CDKL5: variants seen among roughly 807,000 people sequenced by gnomAD.
CDKL5 encodes the protein cyclin dependent kinase like 5, also known as cyclin-dependent kinase-like 5.
In CDKL5, 8 loss-of-function variants were observed where a neutral mutation model predicts 61.7. That is an observed-to-expected ratio of 0.13 (90% CI 0.08 to 0.23). The LOEUF is 0.23. CDKL5 is among the 10% of genes least tolerant of loss of function. CDKL5 has a pLI of 1.00. For missense variants in CDKL5, 440 were observed against 734.5 expected (o/e 0.60, Z 4.63); for synonymous variants, 275 against 272.3 (o/e 1.01, Z -0.10).
intron 17 of CDKL5, among the ~76,000 whole-genome samples, chrX:18,625,686 G>C (rs768139950): frequency 7.1e-5 from 8 of 112,062 alleles, no homozygotes; most frequent in African/African-American, 2.6e-4. Flanking sequence ...TTTCTTGAAA[G>C]AATATTTCAA....
chrX:18,495,024 G>T (rs186571615), intron 1 of CDKL5, among the ~76,000 whole-genome samples: 1 of 112,122 alleles, frequency 8.9e-6, no homozygotes, highest in South Asian at 3.7e-4. Context: ...TCACAAGGCC[G>T]TGCCTTCCAT....
At chrX:18,462,009 C>T (rs1470570107) in intron 1 of CDKL5, among the ~76,000 whole-genome samples, 2 of 110,912 alleles carry the variant, frequency 1.8e-5, no homozygotes, top group Non-Finnish European at 3.8e-5. Context: ...CTGCATGTGG[C>T]CCAGGATGGC....
At chrX:18,491,999 T>C (rs1238150183) in intron 1 of CDKL5, among the ~76,000 whole-genome samples, 1 of 111,193 alleles carries the variant, frequency 9.0e-6, no homozygotes, top group Non-Finnish European at 1.9e-5. Flanking sequence ...TGTGTATGTG[T>C]TTCTGGGGAT....
chrX:18,610,293 A>AATGT (rs1250551156), intron 14 of CDKL5, among the ~76,000 whole-genome samples: 1 of 112,197 alleles, frequency 8.9e-6, no homozygotes, highest in East Asian at 2.8e-4. Flanking sequence ...TCTGGCCTGT[A>AATGT]ATGTACTCTT....
rs181443572 is a variant in CDKL5, at chrX:18,521,581, C to G, written c.99+10727C>G. Among the ~76,000 whole-genome samples, 483 of 111,728 alleles carry G rather than the reference C, an allele frequency of 4.3e-3. 2 individuals are homozygous for G. The highest frequency in any genetic ancestry group is 0.042 in the Middle Eastern group (9 of 216). ...AAATTTTATTTTTATATATTTAAGG[C>G]GTACAAGTACAGTTTTGTTACATGG... On this transcript the variant is annotated intron_variant, in intron 3 of 17. Coordinates refer to ENST00000623535, the MANE Select transcript of CDKL5 (RefSeq NM_001323289.2).
chrX:18,436,296 G>A (rs1272189627), intron 1 of CDKL5, among the ~76,000 whole-genome samples: 2 of 110,357 alleles, frequency 1.8e-5, no homozygotes, highest in Non-Finnish European at 3.8e-5. Context: ...TAGAGAAGGT[G>A]GAAGGGGAGG....
intron 1 of CDKL5, among the ~76,000 whole-genome samples, chrX:18,432,370 T>G (rs949331220): frequency 3.7e-5 from 4 of 109,524 alleles, no homozygotes; most frequent in African/African-American, 1.0e-4. Flanking sequence ...AGTACTAGGA[T>G]TATAGGCATG....
rs371902632 is a variant in CDKL5 at position 18,625,196 on chromosome X, C to T, written c.2445C>T (p.Ser815=). Residue 815 remains serine, a synonymous_variant, in exon 17 of 18, where the codon AGC becomes AGT. Transcript: ENST00000623535. ...CCATTCATTCTGCTAGCACTCCAAGCAGCAGACCAAAGGAGTGGCGCCCCG... is the reference window on the plus strand; with the variant it reads ...CCATTCATTCTGCTAGCACTCCAAGTAGCAGACCAAAGGAGTGGCGCCCCG... ...QKSIHSASTP[S]SRPKEWRPEK... 4.2e-5 allele frequency: 51 copies of T among 1,204,226 alleles called. No individual in the cohort carries two copies. The African/African-American group carries it at 8.3e-4, about 20-fold the overall frequency.
At chrX:18,518,513 T>G (rs1923131016) in intron 3 of CDKL5, among the ~76,000 whole-genome samples, 1 of 99,399 alleles carries the variant, frequency 1.0e-5, no homozygotes, top group African/African-American at 3.7e-5. Flanking sequence ...CAAGTGATTC[T>G]CCTGCCTCAG....
At chrX:18,466,962 G>A (rs999937366) in intron 1 of CDKL5, among the ~76,000 whole-genome samples, 2 of 111,861 alleles carry the variant, frequency 1.8e-5, no homozygotes, top group African/African-American at 6.5e-5. Flanking sequence ...TTCGTTGGGA[G>A]AGAAGTGGCA....
rs143187626 is a variant in CDKL5 at position 18,555,507 on chromosome X, A to G, written c.100-8970A>G. ...CTCTGGGTAGAGGGAATGGGAATGA[A>G]TGAAGTTTTATTTTTGGCATTTTAC... On this transcript the variant is annotated intron_variant, in intron 3 of 17. Coordinates refer to ENST00000623535, the MANE Select transcript of CDKL5 (RefSeq NM_001323289.2). Among the ~76,000 whole-genome samples, 906 of 112,162 alleles carry G rather than the reference A, an allele frequency of 8.1e-3. 9 individuals carry two copies. Among genetic ancestry groups the G allele is most frequent in the African/African-American group, 0.027 (824 of 30,893 alleles).
intron 1 of CDKL5, among the ~76,000 whole-genome samples, chrX:18,471,117 T>C (rs773144989): frequency 1.2e-4 from 14 of 112,220 alleles, no homozygotes; most frequent in African/African-American, 3.9e-4. Flanking sequence ...ATCCACTACA[T>C]TGAGCTTCTC....
At chrX:18,575,015 C>CA (rs749336276) in intron 4 of CDKL5, among the ~76,000 whole-genome samples, 162 of 111,335 alleles carry the variant, frequency 1.5e-3, no homozygotes, top group Non-Finnish European at 2.4e-3. Context: ...GTTCAGATGA[C>CA]AATGGAGGCA....
intron 1 of CDKL5, among the ~76,000 whole-genome samples, chrX:18,484,976 TAAC>T (rs1921738676): frequency 9.0e-6 from 1 of 111,003 alleles, no homozygotes. Flanking sequence ...CCATAATAAA[TAAC>T]AACTAAGACC....
chrX:18,604,841 C>T lies in CDKL5; in HGVS notation c.1917C>T (p.Ala639=), dbSNP rs2147161332. 8.3e-7 allele frequency: 1 copy of T among 1,209,676 alleles called. No individual in the cohort carries two copies. Among genetic ancestry groups the T allele is most frequent in the South Asian group, 1.8e-5 (1 of 56,796 alleles). The change falls in exon 12 of 18, where the codon GCC becomes GCT. Residue 639 remains alanine (A), a synonymous_variant. Coordinates refer to ENST00000623535, the MANE Select transcript of CDKL5 (RefSeq NM_001323289.2). ...LSIGQGMAAR[A]NSLQLLSPQP... is the part of the protein sequence containing the mutation. ...TAGGGCAAGGGATGGCAGCTAGAGC[C>T]AACAGCCTGCAACTCTTGTCACCCC... is the stretch of plus-strand genomic sequence containing the variant.
At chrX:18,463,266 G>A (rs1390265275) in intron 1 of CDKL5, among the ~76,000 whole-genome samples, 4 of 109,333 alleles carry the variant, frequency 3.7e-5, no homozygotes, top group Non-Finnish European at 7.6e-5. Context: ...AGGAAAATGG[G>A]ACAAGGGGGA....
intron 3 of CDKL5, among the ~76,000 whole-genome samples, chrX:18,551,409 T>TA (rs1924378235): frequency 9.2e-6 from 1 of 108,722 alleles, no homozygotes; most frequent in Non-Finnish European, 1.9e-5. Flanking sequence ...TACAAGTACT[T>TA]ACAAAGGATT....
At chrX:18,537,016 T>C (rs771372240) in intron 3 of CDKL5, among the ~76,000 whole-genome samples, 1 of 108,438 alleles carries the variant, frequency 9.2e-6, no homozygotes, top group South Asian at 4.1e-4. Context: ...TTAACTGTTG[T>C]ACTTTTCATC....
At chrX:18,532,378 T>G (rs1031244263) in intron 3 of CDKL5, among the ~76,000 whole-genome samples, 21 of 107,523 alleles carry the variant, frequency 2.0e-4, no homozygotes, top group African/African-American at 7.0e-4. Context: ...ACAGCATTGT[T>G]TTTTTTTTTT....
Sources: gnomAD v4.1 joint callset for allele counts (sites outside exome capture counted in the v4.1 genomes callset) on GRCh38, gnomAD v4.1.1 for gene constraint, MANE v1.5 for transcripts, NCBI Gene and HGNC (gene_info 2026-07-23, HGNC 2026-07-21) for gene names.